Variants in SRC observed in about 807,000 individuals in gnomAD.
The protein encoded by SRC is SRC proto-oncogene, non-receptor tyrosine kinase.
A neutral mutation model predicts 62.9 loss-of-function variants in SRC; 13 were observed. The ratio of observed to expected loss-of-function variants is 0.21; its 90% CI spans 0.13 to 0.33. SRC has a LOEUF of 0.33. Ranked by LOEUF, SRC falls within the 10% of genes least tolerant of loss-of-function variation. The probability of loss-of-function intolerance (pLI) is 1.00; values close to 1 mark genes in which losing one functional copy is unlikely to be tolerated. For missense variants in SRC, 457 were observed against 737.3 expected, an observed-to-expected ratio of 0.62 and a Z score of 4.40; for synonymous variants, 302 against 317.5, an observed-to-expected ratio of 0.95 and a Z score of 0.52.
chr20:37,359,413 C>T (rs142723756), intron 1 of SRC, among the ~76,000 whole-genome samples: 16 of 152,316 alleles, frequency 1.1e-4, no homozygotes, highest in African/African-American at 3.8e-4. Context: ...GTAAGGGCCA[C>T]GAATCCATAA....
At chr20:37,374,194 CTCAGCCTCCCGAG>C (rs925748004) in intron 2 of SRC, among the ~76,000 whole-genome samples, 37 of 151,850 alleles carry the variant, frequency 2.4e-4, no homozygotes, top group African/African-American at 8.7e-4. Flanking sequence ...ATTCTTCTGC[CTCAGCCTCCCGAG>C]TAGCTAGGAC....
chr20:37,363,653 T>G (rs576661600), intron 1 of SRC, among the ~76,000 whole-genome samples: 2 of 152,136 alleles, frequency 1.3e-5, no homozygotes, highest in South Asian at 4.1e-4. Flanking sequence ...GGGAGAAGTG[T>G]GGGTTTCTGC....
At chr20:37,389,820 A>G (rs1239025963) in intron 5 of SRC, among the ~76,000 whole-genome samples, 2 of 152,086 alleles carry the variant, frequency 1.3e-5, no homozygotes, top group African/African-American at 4.8e-5. Flanking sequence ...CAGTTGTGAA[A>G]AATCATGGCT....
rs150539240 is a variant in SRC at position 37,365,637 on chromosome 20, G to A, written c.-173+360G>A. On this transcript the variant is annotated intron_variant, in intron 2 of 13. Coordinates refer to ENST00000373578, the MANE Select transcript of SRC (RefSeq NM_198291.3). ...GTCTTACTCTGTTGCCCAGGCTGTA[G>A]TGCAGTGTCACAATCATGCTCACCG... Among the ~76,000 whole-genome samples the A allele has an allele frequency of 1.6e-3, 240 of 151,944 alleles. 2 individuals are homozygous for A. Among genetic ancestry groups the A allele is most frequent in the African/African-American group, 5.5e-3 (226 of 41,414 alleles).
intron 9 of SRC, among the ~76,000 whole-genome samples, chr20:37,399,159 C>T (rs549467202): frequency 2.0e-5 from 3 of 152,324 alleles, no homozygotes; most frequent in African/African-American, 4.8e-5. Flanking sequence ...AACAGCTCCA[C>T]GGGTAGGCAC....
In SRC at chr20:37,358,569, T is replaced by C. The variant is rs528727736; in HGVS notation, c.-246-6635T>C. Among the ~76,000 whole-genome samples, 687 of 152,308 alleles carry C rather than the reference T, an allele frequency of 4.5e-3. 4 individuals are homozygous for C. The highest frequency in any genetic ancestry group is 7.1e-3 in the Non-Finnish European group (484 of 68,012). On this transcript the variant is annotated intron_variant, in intron 1 of 13. Coordinates refer to ENST00000373578, the MANE Select transcript of SRC (RefSeq NM_198291.3). ...TCAGGCGCCACCCACTTCCAGGCAG[T>C]ACGCTTCCTTGGAGGGCTTCCAGGC...
intron 5 of SRC, among the ~76,000 whole-genome samples, chr20:37,388,684 C>T (rs893953801): frequency 5.9e-5 from 9 of 152,116 alleles, no homozygotes; most frequent in Non-Finnish European, 1.2e-4. Flanking sequence ...GAGTTGAAGG[C>T]TGCAGTGAGC....
intron 3 of SRC, among the ~76,000 whole-genome samples, chr20:37,383,876 C>T (rs2070401857): frequency 6.6e-6 from 1 of 151,604 alleles, no homozygotes; most frequent in South Asian, 2.1e-4. Context: ...GGACTACAGG[C>T]GCGTGCCACC....
intron 2 of SRC, among the ~76,000 whole-genome samples, chr20:37,379,378 G>A (rs1360272321): frequency 1.3e-5 from 2 of 152,050 alleles, no homozygotes; most frequent in African/African-American, 4.8e-5. Context: ...TCGGCAGTTG[G>A]GCCCCAGAAC....
In SRC at chr20:37,385,847, C is replaced by G. The variant is rs566691576; in HGVS notation, c.251-228C>G. 6.2e-4 allele frequency among the ~76,000 whole-genome samples: 95 copies of G among 152,364 alleles called. 1 individual carries two copies. Among genetic ancestry groups the G allele is most frequent in the African/African-American group, 2.2e-3 (91 of 41,586 alleles). The stretch of plus-strand genomic sequence containing the variant: ...CTGCCCAAAGCCCCGGGGACGGACG[C>G]GGACAGGAAGGGATGCTCCCGCTCC... On this transcript the variant is annotated intron_variant, in intron 4 of 13. Transcript: ENST00000373578.
At chr20:37,391,886 T>C (rs1310130533) in intron 5 of SRC, among the ~76,000 whole-genome samples, 1 of 152,148 alleles carries the variant, frequency 6.6e-6, no homozygotes, top group African/African-American at 2.4e-5. Context: ...AGTGCTGGGC[T>C]ACTCTGACCT....
At chr20:37,373,647 T>C (rs929723001) in intron 2 of SRC, among the ~76,000 whole-genome samples, 3 of 152,240 alleles carry the variant, frequency 2.0e-5, no homozygotes, top group African/African-American at 7.2e-5. Context: ...GAGTATTTTG[T>C]GGTTTAAATC....
rs983682459 is a variant in SRC, at chr20:37,351,419, G to A, written c.-247+5164G>A. ...AGTCTTTTTTGGTGCTCATGTAGGG[G>A]TGGGGATGTCTGTGGTGGGTGGGTG... On this transcript the variant is annotated intron_variant, in intron 1 of 13. Coordinates refer to ENST00000373578, the MANE Select transcript of SRC (RefSeq NM_198291.3). The surrounding 1 kb of genome is among the most constrained non-coding windows in gnomAD (Gnocchi z 4.4). 6.6e-6 allele frequency among the ~76,000 whole-genome samples: 1 copy of A among 152,084 alleles called. No homozygotes were observed. The highest frequency in any genetic ancestry group is 2.4e-5 in the African/African-American group (1 of 41,414).
intron 1 of SRC, among the ~76,000 whole-genome samples, chr20:37,349,613 T>G (rs1045181593): frequency 1.3e-5 from 2 of 152,204 alleles, no homozygotes; most frequent in African/African-American, 4.8e-5. Flanking sequence ...GGACCTGCTT[T>G]GCGCTGTTGC....
At position 37,384,402 on chromosome 20, in the gene SRC, C is replaced by T. The variant is rs1240756950; in HGVS notation, c.249C>T (p.Ala83=). ...VTSPQRAGPL[A]GGVTTFVALY... is the part of the protein sequence containing the mutation. ...CCCCGCAGAGGGCGGGCCCGCTGGC[C>T]GGTCAGTGCGCGGGCGGCGCGGGGT... Residue 83 remains alanine (A), a splice_region_variant and synonymous_variant, in exon 4 of 14, where the codon GCC becomes GCT. Transcript: ENST00000373578. This position sits in a 1 kb window ranked among gnomAD's most constrained non-coding sequence, Gnocchi z 6.7. The T allele has an allele frequency of 9.9e-6, 14 of 1,410,140 alleles. No individual in the cohort carries two copies. The Middle Eastern group carries it at 9.0e-4, about 91-fold the overall frequency. 87.4% of individuals were successfully genotyped at this position (1,410,140 alleles called of 1,614,324 possible).
At chr20:37,386,001 G>A in intron 4 of SRC, 74 bp from the exon 5 acceptor site, 1 of 1,219,292 alleles carries the variant, frequency 8.2e-7, no homozygotes, top group Non-Finnish European at 1.2e-6. Context: ...CTCCTCCTGG[G>A]TACAGGGCCA....
rs1418078367 is a variant in SRC at position 37,403,017 on chromosome 20, C to T, written c.1402+137C>T. On this transcript the variant is annotated intron_variant, in intron 13 of 13. Coordinates refer to ENST00000373578, the MANE Select transcript of SRC (RefSeq NM_198291.3). This position sits in a 1 kb window ranked among gnomAD's most constrained non-coding sequence, Gnocchi z 7.1. ...TTGAGCGTCTGATGTTAGGCTCTCT[C>T]GATGGTCCATGCTCTCAGCTTCGGG... 1.0e-5 allele frequency: 14 copies of T among 1,337,800 alleles called. No homozygotes were observed. The highest frequency in any genetic ancestry group is 2.5e-5 in the East Asian group (1 of 40,546). The allele number at this position is 1,337,800 out of a possible 1,614,324, so 82.9% of individuals were successfully genotyped here. A position where few individuals can be genotyped will look rare whatever the true frequency, so the allele number is the denominator to read the frequency against.
At chr20:37,367,614 A>G (rs1342638589) in intron 2 of SRC, among the ~76,000 whole-genome samples, 1 of 150,882 alleles carries the variant, frequency 6.6e-6, no homozygotes, top group African/African-American at 2.4e-5. Context: ...ACCTAGGACT[A>G]TAAGTGCATG....
In SRC at chr20:37,404,386, A is replaced by G. The variant is rs545031910; in HGVS notation, c.*1007A>G. The G allele has an allele frequency of 4.3e-6, 1 of 233,498 alleles. No individual in the cohort carries two copies. The highest frequency in any genetic ancestry group is 1.8e-4 in the South Asian group (1 of 5,534). The allele number at this position is 233,498 out of a possible 1,614,324, so 14.5% of individuals were successfully genotyped here. ...GTTTGACCTTCAGAGCCAGCCGGCT[A>G]TGAAAGGGAGCGAGCCCCTCGGCTC... On this transcript the variant is annotated 3_prime_UTR_variant, in exon 14 of 14. Transcript: ENST00000373578.
Sources: gnomAD v4.1 joint callset for allele counts (sites outside exome capture counted in the v4.1 genomes callset) on GRCh38, gnomAD v4.1.1 for gene constraint, Gnocchi (gnomAD v3.1) non-coding constraint, MANE v1.5 for transcripts, NCBI Gene and HGNC (gene_info 2026-07-23, HGNC 2026-07-21) for gene names.